Variants in EWSR1 observed in about 807,000 individuals in gnomAD.
EWSR1 encodes the protein RNA-binding protein EWS.
In EWSR1, 14 loss-of-function variants were observed where a neutral mutation model predicts 92.1. The ratio of observed to expected loss-of-function variants is 0.15; its 90% CI spans 0.10 to 0.24. The LOEUF (loss-of-function observed/expected upper bound fraction) is 0.24, where lower values mean the gene tolerates loss of function less well. Ranked by LOEUF, EWSR1 falls within the 10% of genes least tolerant of loss-of-function variation. EWSR1 has a pLI of 1.00. For missense variants in EWSR1, 637 were observed against 870.9 expected, an observed-to-expected ratio of 0.73 and a Z score of 3.38; for synonymous variants, 303 against 292.9, an observed-to-expected ratio of 1.03 and a Z score of -0.35.
chr22:29,291,444 A>C, intron 8 of EWSR1, 118 bp from the exon 9 acceptor site: 2 of 893,862 alleles, frequency 2.2e-6, no homozygotes, highest in Non-Finnish European at 3.4e-6. Context: ...GATGAGAGAG[A>C]TGCATTGTTT....
rs774771009 is a variant in EWSR1, at chr22:29,297,808, T to C, written c.1295-19T>C. ...AGGGAGTACAGGGGAGTAATTGATG[T>C]TCTGTTGTCTTGTTCCAGGGAAAGA... On this transcript the variant is annotated intron_variant, in intron 12 of 16. Transcript: ENST00000397938. 1.2e-6 allele frequency: 2 copies of C among 1,613,424 alleles called. No homozygotes were observed. The highest frequency in any genetic ancestry group is 2.2e-5 in the South Asian group (2 of 91,034).
chr22:29,293,804 A>G (rs1478100993), intron 11 of EWSR1, among the ~76,000 whole-genome samples: 2 of 152,136 alleles, frequency 1.3e-5, no homozygotes, highest in Non-Finnish European at 2.9e-5. Context: ...TCCTGACCTC[A>G]GGTGATCTGC....
At chr22:29,280,071 C>CTGGGTTGG (rs971768635) in intron 5 of EWSR1, among the ~76,000 whole-genome samples, 3 of 152,028 alleles carry the variant, frequency 2.0e-5, no homozygotes, top group African/African-American at 7.3e-5. Context: ...TCTGGTTTTT[C>CTGGGTTGG]TGGGTTGGTT....
At chr22:29,273,559 C>A (rs948151772) in intron 3 of EWSR1, among the ~76,000 whole-genome samples, 182 bp from the exon 4 acceptor site, 4 of 151,976 alleles carry the variant, frequency 2.6e-5, no homozygotes, top group Non-Finnish European at 5.9e-5. Context: ...TATGAGTGAA[C>A]CAGATAAGGG....
In EWSR1 at chr22:29,275,919, GT is replaced by G. The variant is rs1223032042; in HGVS notation, c.226+2062del. ...TTTCTTTTTTTGCCACTGGTCTTTTGTTTTTTTGTTTTTTTGTTTTTTTTTT... is the reference window on the plus strand; with the variant it reads ...TTTCTTTTTTTGCCACTGGTCTTTTGTTTTTTGTTTTTTTGTTTTTTTTTT... On this transcript the variant is annotated intron_variant, in intron 4 of 16. Coordinates refer to ENST00000397938, the MANE Select transcript of EWSR1 (RefSeq NM_005243.4). The G allele has an allele frequency of 2.8e-4, 54 of 195,550 alleles. No individual in the cohort carries two copies. The East Asian group carries it at 3.1e-3, about 11-fold the overall frequency. The allele number at this position is 195,550 out of a possible 1,614,324, so 12.1% of individuals were successfully genotyped here.
chr22:29,273,212 C>T (rs1336563702), intron 3 of EWSR1, among the ~76,000 whole-genome samples: 2 of 152,206 alleles, frequency 1.3e-5, no homozygotes, highest in African/African-American at 4.8e-5. Context: ...CGTTCTGGTT[C>T]ATTTTCTTTG....
At chr22:29,286,859 G>A (rs1390568033) in intron 6 of EWSR1, 64 bp from the exon 7 acceptor site, 34 of 1,265,236 alleles carry the variant, frequency 2.7e-5, no homozygotes, top group Non-Finnish European at 1.8e-5. Context: ...TTTATTCAGG[G>A]GATTTGAAAT....
At position 29,285,662 on chromosome 22, in the gene EWSR1, G is replaced by A. The variant is rs1251264325; in HGVS notation, c.582-1261G>A. Among the ~76,000 whole-genome samples, 7 of 151,202 alleles carry A rather than the reference G, an allele frequency of 4.6e-5. No homozygotes were observed. In the East Asian group the frequency reaches 7.7e-4, roughly 17 times the overall value. On this transcript the variant is annotated intron_variant, in intron 6 of 16. Coordinates refer to ENST00000397938, the MANE Select transcript of EWSR1 (RefSeq NM_005243.4). ...AGTACCCTTATCCCTTCAGAAAATC[G>A]TTAACTCGAGATTATTGGCGGGCAG...
In EWSR1 at chr22:29,268,462, G is replaced by A. The variant is rs1030951623; in HGVS notation, c.13+113G>A. The A allele has an allele frequency of 1.1e-5, 18 of 1,576,420 alleles. No homozygotes were observed. The Admixed American group carries it at 1.2e-4, about 10-fold the overall frequency. On this transcript the variant is annotated intron_variant, in intron 1 of 16. Coordinates refer to ENST00000397938, the MANE Select transcript of EWSR1 (RefSeq NM_005243.4). ...TGAGTGGAGTTGCCGAGAGGGGGTT[G>A]AGGCACCCGCCGCGGCCCGACGAGC...
intron 12 of EWSR1, 99 bp downstream of exon 12, chr22:29,296,467 T>G: frequency 7.7e-6 from 11 of 1,430,988 alleles, no homozygotes; most frequent in Non-Finnish European, 1.0e-5. Flanking sequence ...CTTCCATCTC[T>G]TCCTGGGGGA....
At chr22:29,279,078 C>G (rs1334493476) in intron 5 of EWSR1, among the ~76,000 whole-genome samples, 1 of 151,796 alleles carries the variant, frequency 6.6e-6, no homozygotes, top group Admixed American at 6.6e-5. Context: ...TCAGAATGAC[C>G]TTTTAGGGTA....
At chr22:29,296,393 T>TA (rs1447139884) in intron 12 of EWSR1, 25 bp downstream of exon 12, 1 of 1,612,644 alleles carries the variant, frequency 6.2e-7, no homozygotes, top group Non-Finnish European at 8.5e-7. Flanking sequence ...CTGGCATTCT[T>TA]AATCTCCCTG....
At position 29,299,945 on chromosome 22, in the gene EWSR1, A is replaced by C; in HGVS notation, c.1931+94A>C. 3.2e-6 allele frequency: 5 copies of C among 1,540,858 alleles called. No homozygotes were observed. The East Asian group carries it at 1.1e-4, about 35-fold the overall frequency. On this transcript the variant is annotated intron_variant, in intron 16 of 16. Transcript: ENST00000397938. Reference sequence around the variant, plus strand: ...TGGCGCAAGTCCTCATGTCTCTAGGAAGCTTGTGATAGTGGTTGGGAGGAG... The same window carrying C: ...TGGCGCAAGTCCTCATGTCTCTAGGCAGCTTGTGATAGTGGTTGGGAGGAG...
intron 4 of EWSR1, 63 bp from the exon 5 acceptor site, chr22:29,277,964 GATA>G: frequency 7.0e-7 from 1 of 1,427,540 alleles, no homozygotes; most frequent in East Asian, 2.3e-5. Flanking sequence ...AAATTGTTCT[GATA>G]ATGAGTGTCT....
chr22:29,268,282 A>C lies in EWSR1; in HGVS notation c.-55A>C. The C allele has an allele frequency of 2.5e-6, 4 of 1,601,122 alleles. No homozygotes were observed. Among genetic ancestry groups the C allele is most frequent in the Admixed American group, 3.3e-5 (2 of 60,018 alleles). Reference sequence around the variant, plus strand: ...TTTGCGCCTGCGCAGTGCGGCGCCTAGAGGGAAAGCGAGAGGGAGACGGAC... The same window carrying C: ...TTTGCGCCTGCGCAGTGCGGCGCCTCGAGGGAAAGCGAGAGGGAGACGGAC... On this transcript the variant is annotated 5_prime_UTR_variant, in exon 1 of 17. Coordinates refer to ENST00000397938, the MANE Select transcript of EWSR1 (RefSeq NM_005243.4).
intron 11 of EWSR1, 35 bp from the exon 12 acceptor site, chr22:29,296,204 T>G (rs1233419291): frequency 6.2e-7 from 1 of 1,604,784 alleles, no homozygotes; most frequent in Admixed American, 1.7e-5. Context: ...ATTAGTATAT[T>G]CTAGTCATGC....
intron 3 of EWSR1, 50 bp from the exon 4 acceptor site, chr22:29,273,691 A>G (rs1401102750): frequency 4.4e-6 from 7 of 1,585,656 alleles, no homozygotes; most frequent in Admixed American, 1.8e-5. Flanking sequence ...TATTGCTAAA[A>G]TACAAAAGTT....
In EWSR1 at chr22:29,287,130, G is replaced by A. The variant is rs779064587; in HGVS notation, c.789G>A (p.Gln263=). 1.2e-6 allele frequency: 2 copies of A among 1,613,998 alleles called. No individual in the cohort carries two copies. Among genetic ancestry groups the A allele is most frequent in the Admixed American group, 1.7e-5 (1 of 60,002 alleles). ...QYSQQSSSYG[Q]QSSFRQDHPS... is the part of the protein sequence containing the mutation. ...GCCAACAGAGCAGCAGCTACGGGCA[G>A]CAGAGTGAGTTGCTAAGAGAGAAAA... The change falls in exon 7 of 17, where the codon CAG becomes CAA. Residue 263 remains glutamine (Q), a synonymous_variant. Transcript: ENST00000397938.
At chr22:29,293,044 G>A (rs142796594) in intron 11 of EWSR1, among the ~76,000 whole-genome samples, 350 of 152,020 alleles carry the variant, frequency 2.3e-3, no homozygotes, top group Non-Finnish European at 2.8e-3. Flanking sequence ...GATCCCCTAC[G>A]CCCGGCCTTC....
Sources: allele counts gnomAD v4.1 joint callset (sites outside exome capture counted in the v4.1 genomes callset), GRCh38; gene constraint gnomAD v4.1.1; transcripts MANE v1.5; gene names NCBI Gene and HGNC (gene_info 2026-07-23, HGNC 2026-07-21).